DOK6: variants seen among roughly 807,000 people sequenced by gnomAD.
The protein encoded by DOK6 is docking protein 6, also known as downstream of tyrosine kinase 6.
A neutral mutation model predicts 44.0 loss-of-function variants in DOK6; 22 were observed. The observed-to-expected ratio is 0.50, with a 90% CI of 0.36 to 0.71. The LOEUF is 0.71. Ranked by LOEUF, DOK6 falls within the 30% of genes least tolerant of loss-of-function variation. DOK6 has a pLI of 0.00. For missense variants in DOK6, 340 were observed against 416.4 expected, an observed-to-expected ratio of 0.82 and a Z score of 1.60; for synonymous variants, 166 against 145.5, an observed-to-expected ratio of 1.14 and a Z score of -1.01.
intron 7 of DOK6, among the ~76,000 whole-genome samples, chr18:69,762,543 A>G (rs564792748): frequency 6.6e-6 from 1 of 152,304 alleles, no homozygotes; most frequent in Non-Finnish European, 1.5e-5. Flanking sequence ...GAGGAATACA[A>G]ATATATCTTT....
intron 1 of DOK6, among the ~76,000 whole-genome samples, chr18:69,419,763 A>G (rs1397182952): frequency 6.6e-6 from 1 of 152,206 alleles, no homozygotes. Flanking sequence ...GGATACAATG[A>G]TATGTGAGAC....
chr18:69,612,461 G>A lies in DOK6; in HGVS notation c.289+12963G>A, dbSNP rs1395221372. 2.6e-4 allele frequency among the ~76,000 whole-genome samples: 39 copies of A among 148,524 alleles called. 6 individuals are homozygous for A. The highest frequency in any genetic ancestry group is 9.6e-4 in the African/African-American group (39 of 40,430). ...TGCGAGGGCGCATGTGTGCGAGCGT[G>A]CATATGTATTTCTTGCTCTTTTCTA... On this transcript the variant is annotated intron_variant, in intron 3 of 7. Transcript: ENST00000382713.
At chr18:69,823,624 T>TG (rs1568136741) in intron 7 of DOK6, among the ~76,000 whole-genome samples, 3 of 124,512 alleles carry the variant, frequency 2.4e-5, no homozygotes, top group South Asian at 2.5e-4. Context: ...AGTGTGTGTG[T>TG]TTGTGTGTGT....
At chr18:69,836,974 G>A (rs1318965002) in intron 7 of DOK6, among the ~76,000 whole-genome samples, 1 of 152,120 alleles carries the variant, frequency 6.6e-6, no homozygotes, top group Non-Finnish European at 1.5e-5. Flanking sequence ...TTTGTAATAT[G>A]TATTAAATAG....
chr18:69,415,092 A>C (rs1195780777), intron 1 of DOK6, among the ~76,000 whole-genome samples: 1 of 152,126 alleles, frequency 6.6e-6, no homozygotes, highest in East Asian at 1.9e-4. Flanking sequence ...TACAAGATCA[A>C]AAGAGTGCTT....
chr18:69,611,656 C>G (rs919181397), intron 3 of DOK6, among the ~76,000 whole-genome samples: 4 of 152,272 alleles, frequency 2.6e-5, no homozygotes, highest in African/African-American at 9.6e-5. Flanking sequence ...AAAGAACAGA[C>G]TCAATATATG....
At chr18:69,578,091 T>C (rs1483111205) in intron 2 of DOK6, among the ~76,000 whole-genome samples, 1 of 150,316 alleles carries the variant, frequency 6.7e-6, no homozygotes, top group Non-Finnish European at 1.5e-5. Context: ...AAATAAATTA[T>C]TTAAAAAGAA....
chr18:69,487,532 A>G (rs1290166685), intron 1 of DOK6, among the ~76,000 whole-genome samples: 1 of 152,118 alleles, frequency 6.6e-6, no homozygotes, highest in East Asian at 1.9e-4. Flanking sequence ...TATTTTCATT[A>G]ATATGAGATA....
intron 3 of DOK6, among the ~76,000 whole-genome samples, chr18:69,608,587 T>G (rs1984057425): frequency 6.6e-6 from 1 of 152,166 alleles, no homozygotes; most frequent in Non-Finnish European, 1.5e-5. Flanking sequence ...TGGATTGTTT[T>G]GGGTAGGATG....
chr18:69,430,581 T>A (rs1211996672), intron 1 of DOK6, among the ~76,000 whole-genome samples: 3 of 152,214 alleles, frequency 2.0e-5, no homozygotes, highest in Non-Finnish European at 4.4e-5. Flanking sequence ...TAGATGTTTT[T>A]CTTTCCCTAA....
At chr18:69,672,483 C>CA (rs1985821985) in intron 3 of DOK6, among the ~76,000 whole-genome samples, 1 of 152,168 alleles carries the variant, frequency 6.6e-6, no homozygotes, top group Non-Finnish European at 1.5e-5. Context: ...CTCAGACTCC[C>CA]GAGTAGCTGG....
chr18:69,539,467 C>CTTT (rs71176979), intron 1 of DOK6, among the ~76,000 whole-genome samples: 5 of 140,346 alleles, frequency 3.6e-5, no homozygotes, highest in Admixed American at 7.1e-5. Flanking sequence ...ACAAAAACAG[C>CTTT]TTTTTTTTTT....
chr18:69,675,873 A>G (rs1985910444), intron 3 of DOK6, among the ~76,000 whole-genome samples: 1 of 152,196 alleles, frequency 6.6e-6, no homozygotes, highest in Non-Finnish European at 1.5e-5. Flanking sequence ...TTGCTCCTAT[A>G]AATTTTTTCT....
intron 1 of DOK6, among the ~76,000 whole-genome samples, chr18:69,446,901 G>T (rs1345392104): frequency 6.6e-6 from 1 of 152,140 alleles, no homozygotes; most frequent in East Asian, 1.9e-4. Context: ...TTTTGATGGG[G>T]TTGTTTGATT....
chr18:69,593,883 C>CT (rs1983678968), intron 2 of DOK6, among the ~76,000 whole-genome samples: 2 of 152,036 alleles, frequency 1.3e-5, no homozygotes, highest in East Asian at 3.9e-4. Context: ...TTGTGTTTAT[C>CT]TTTTTATGTA....
intron 7 of DOK6, among the ~76,000 whole-genome samples, chr18:69,797,596 G>T (rs1402391810): frequency 2.0e-5 from 3 of 151,958 alleles, no homozygotes; most frequent in African/African-American, 7.2e-5. Flanking sequence ...ATTTTATTAA[G>T]ACTTTATCAC....
intron 5 of DOK6, among the ~76,000 whole-genome samples, chr18:69,737,107 A>G (rs983230712): frequency 3.3e-5 from 5 of 152,190 alleles, no homozygotes; most frequent in Admixed American, 2.6e-4. Context: ...CTGTTCCCTA[A>G]CAGCCCCAAA....
chr18:69,584,656 T>G (rs949069554), intron 2 of DOK6, among the ~76,000 whole-genome samples: 9 of 152,250 alleles, frequency 5.9e-5, no homozygotes, highest in Middle Eastern at 3.4e-3. Flanking sequence ...TGCTTTTTTT[T>G]TTCTGGACTA....
At chr18:69,655,747 CT>C (rs1985344943) in intron 3 of DOK6, among the ~76,000 whole-genome samples, 1 of 118,740 alleles carries the variant, frequency 8.4e-6, no homozygotes, top group African/African-American at 3.2e-5. Context: ...AGCGAGACTC[CT>C]TCCCCCACCC....
Sources: gnomAD v4.1 joint callset for allele counts (sites outside exome capture counted in the v4.1 genomes callset) on GRCh38, gnomAD v4.1.1 for gene constraint, MANE v1.5 for transcripts, NCBI Gene and HGNC (gene_info 2026-07-23, HGNC 2026-07-21) for gene names.